Variants in AGBL1 observed in about 807,000 individuals in gnomAD.
The protein encoded by AGBL1 is cytosolic carboxypeptidase 4.
In AGBL1, 130 loss-of-function variants were observed where a neutral mutation model predicts 118.9. The observed-to-expected ratio is 1.09, with a 90% CI of 0.95 to 1.26. AGBL1 has a LOEUF of 1.26. Among genes scored for constraint, AGBL1 ranks in the 50% most tolerant of loss-of-function variants. AGBL1 has a pLI of 0.00. For synonymous variants in AGBL1, 555 were observed against 478.9 expected (o/e 1.16, Z -2.08); for missense variants, 1,584 against 1,298.1 (o/e 1.22, Z -3.38).
chr15:86,481,912 A>G (rs28733872), intron 18 of AGBL1, among the ~76,000 whole-genome samples: 5,729 of 152,202 alleles, frequency 0.038, 371 homozygotes, highest in African/African-American at 0.13. Flanking sequence ...CTCATTTAAT[A>G]TAGCTGAGAA....
At chr15:86,294,250 T>C (rs1265792059) in intron 16 of AGBL1, among the ~76,000 whole-genome samples, 1 of 151,614 alleles carries the variant, frequency 6.6e-6, no homozygotes, top group Non-Finnish European at 1.5e-5. Flanking sequence ...AATACAAAAA[T>C]TAACTGGGTG....
At chr15:86,827,070 C>T (rs534360313) in intron 22 of AGBL1, among the ~76,000 whole-genome samples, 1 of 151,024 alleles carries the variant, frequency 6.6e-6, no homozygotes, top group East Asian at 2.0e-4. Flanking sequence ...GTAAAGATCC[C>T]TCTGATTTCC....
chr15:86,444,910 T>C (rs572366146), intron 18 of AGBL1, among the ~76,000 whole-genome samples: 1 of 152,354 alleles, frequency 6.6e-6, no homozygotes, highest in Admixed American at 6.5e-5. Context: ...CACAAAGTTG[T>C]TTTAACTCCA....
chr15:86,391,655 T>TC (rs2081289265), intron 17 of AGBL1, among the ~76,000 whole-genome samples: 1 of 144,698 alleles, frequency 6.9e-6, no homozygotes, highest in Non-Finnish European at 1.5e-5. Context: ...TTTTTTTTTT[T>TC]TTTTTTTTTT....
intron 22 of AGBL1, among the ~76,000 whole-genome samples, chr15:86,861,673 C>T (rs779242684): frequency 6.6e-6 from 1 of 152,168 alleles, no homozygotes; most frequent in South Asian, 2.1e-4. Context: ...TTAATATGTG[C>T]TGGCATATAG....
In AGBL1 at chr15:86,908,618, G is replaced by A. The variant is rs1163171615; in HGVS notation, c.*1324G>A. The stretch of plus-strand genomic sequence containing the variant: ...GGGAGCTGGGAAGGAGATTACAGAG[G>A]AGCAGAATCTAGGAGGCTGGAATCA... On this transcript the variant is annotated 3_prime_UTR_variant, in exon 23 of 23. Transcript: ENST00000614907. 6.6e-6 allele frequency: 1 copy of A among 152,176 alleles called. No individual in the cohort carries two copies. Among genetic ancestry groups the A allele is most frequent in the Non-Finnish European group, 1.5e-5 (1 of 68,048 alleles). 9.4% of individuals were successfully genotyped at this position (152,176 alleles called of 1,614,324 possible).
At chr15:86,814,845 A>G (rs2078837719) in intron 22 of AGBL1, among the ~76,000 whole-genome samples, 1 of 152,188 alleles carries the variant, frequency 6.6e-6, no homozygotes, top group Non-Finnish European at 1.5e-5. Context: ...TCCTCTGTAA[A>G]GTAGAGGTTA....
At chr15:86,208,565 G>C (rs2078035242) in intron 5 of AGBL1, among the ~76,000 whole-genome samples, 2 of 152,118 alleles carry the variant, frequency 1.3e-5, no homozygotes, top group Admixed American at 6.5e-5. Context: ...CATATGTCCA[G>C]GAATTTATCC....
In AGBL1 at chr15:86,817,490, ACAGAG is replaced by A. The variant is rs1477635677; in HGVS notation, c.3159-89596_3159-89592del. Among the ~76,000 whole-genome samples the A allele has an allele frequency of 1.8e-4, 27 of 149,592 alleles. 1 individual carries two copies. Among genetic ancestry groups the A allele is most frequent in the African/African-American group, 6.2e-4 (25 of 40,396 alleles). On this transcript the variant is annotated intron_variant, in intron 22 of 22. Transcript: ENST00000614907. ...CACACACACACACACACACACACAC[ACAGAG>A]GAGAGAGAGAGAGAAAGAGACAGGC...
rs566868292 is a variant in AGBL1 at position 86,710,553 on chromosome 15, A to C, written c.3158+36117A>C. 3.3e-4 allele frequency among the ~76,000 whole-genome samples: 50 copies of C among 152,316 alleles called. No homozygotes were observed. The South Asian group carries it at 5.8e-3, about 18-fold the overall frequency. On this transcript the variant is annotated intron_variant, in intron 22 of 22. Transcript: ENST00000614907. ...TAGATTTGTGAAAATAAATCATGTC[A>C]AACACATTTGATTACCCTTTAAAAT...
intron 18 of AGBL1, among the ~76,000 whole-genome samples, chr15:86,414,800 A>G (rs1414693125): frequency 6.6e-6 from 1 of 152,190 alleles, no homozygotes; most frequent in Non-Finnish European, 1.5e-5. Flanking sequence ...TGAGATGCAG[A>G]CATAAAATTA....
chr15:86,508,003 G>GT (rs1201821459), intron 18 of AGBL1, among the ~76,000 whole-genome samples: 15 of 140,946 alleles, frequency 1.1e-4, no homozygotes, highest in African/African-American at 4.1e-4. Context: ...AAAGTGATTT[G>GT]CCTTTTTTTT....
In AGBL1 at chr15:86,143,691, C is replaced by T; in HGVS notation, c.116-8C>T. The stretch of plus-strand genomic sequence containing the variant: ...TTGTGGCTCATCTTTCCTCCGGTTT[C>T]CCCTCAGGCACAGACCGGAGAATTC... On this transcript the variant is annotated splice_region_variant and splice_polypyrimidine_tract_variant and intron_variant, in intron 2 of 22. Coordinates refer to ENST00000614907, the MANE Select transcript of AGBL1 (RefSeq NM_001386094.1). The T allele has an allele frequency of 1.2e-6, 2 of 1,612,326 alleles. No homozygotes were observed.
chr15:86,690,499 A>C (rs2086145365), intron 22 of AGBL1, among the ~76,000 whole-genome samples: 2 of 152,198 alleles, frequency 1.3e-5, no homozygotes, highest in South Asian at 4.1e-4. Context: ...TTAAACAGGC[A>C]AAAACGCTGA....
chr15:86,607,073 C>G (rs1488899132), intron 21 of AGBL1, among the ~76,000 whole-genome samples: 1 of 152,140 alleles, frequency 6.6e-6, no homozygotes, highest in Non-Finnish European at 1.5e-5. Context: ...AGTATGAAGC[C>G]TTTTCAGATT....
downstream of AGBL1, among the ~76,000 whole-genome samples, chr15:86,919,742 G>A (rs374927492): frequency 5.9e-5 from 9 of 152,188 alleles, no homozygotes; most frequent in South Asian, 4.1e-4. Flanking sequence ...AAGCGACTGC[G>A]GCAAGCTCTC....
rs573444501 is a variant in AGBL1, at chr15:86,183,812, G to C, written c.488+24786G>C. On this transcript the variant is annotated intron_variant, in intron 5 of 22. Transcript: ENST00000614907. ...TACCAAAGTCCCTCAATCAGATGAT[G>C]CCGTTACGAAATTAAATAATTAAAC... is the stretch of plus-strand genomic sequence containing the variant. Among the ~76,000 whole-genome samples the C allele has an allele frequency of 5.3e-5, 8 of 152,298 alleles. No individual in the cohort carries two copies. The South Asian group carries it at 1.7e-3, about 32-fold the overall frequency.
chr15:86,618,812 T>TC (rs965823530), intron 21 of AGBL1, among the ~76,000 whole-genome samples: 1 of 152,094 alleles, frequency 6.6e-6, no homozygotes, highest in Non-Finnish European at 1.5e-5. Flanking sequence ...CGTTTTGCCC[T>TC]CCTCATTACA....
At chr15:86,363,395 T>C (rs2080835596) in intron 17 of AGBL1, among the ~76,000 whole-genome samples, 1 of 152,140 alleles carries the variant, frequency 6.6e-6, no homozygotes, top group South Asian at 2.1e-4. Context: ...AAATTTCTCA[T>C]GATTATAAGC....
Sources: gnomAD v4.1 joint callset for allele counts (sites outside exome capture counted in the v4.1 genomes callset) on GRCh38, gnomAD v4.1.1 for gene constraint, MANE v1.5 for transcripts, NCBI Gene and HGNC (gene_info 2026-07-23, HGNC 2026-07-21) for gene names.